Variants in MEF2C observed in about 807,000 individuals in gnomAD.
MEF2C encodes the protein myocyte enhancer factor 2C.
MEF2C carries 6 observed loss-of-function variants against 50.5 expected under a neutral mutation model. The observed-to-expected ratio is 0.12, with a 90% CI of 0.07 to 0.23. MEF2C has a LOEUF of 0.23. Ranked by LOEUF, MEF2C falls within the 10% of genes least tolerant of loss-of-function variation. The pLI, the probability that MEF2C is intolerant of heterozygous loss-of-function variation, is 1.00. For missense variants in MEF2C, 276 were observed against 605.0 expected (o/e 0.46, Z 5.70); for synonymous variants, 183 against 228.0 (o/e 0.80, Z 1.78).
upstream of MEF2C, among the ~76,000 whole-genome samples, chr5:88,886,366 T>C (rs964876112): frequency 3.9e-5 from 6 of 152,236 alleles, no homozygotes; most frequent in Non-Finnish European, 7.3e-5. Flanking sequence ...CATCTAATGA[T>C]ACTTGGTTAG....
At position 88,721,715 on chromosome 5, in the gene MEF2C, T is replaced by C. The variant is rs987518091; in HGVS notation, c.*889A>G. 2.0e-4 allele frequency: 30 copies of C among 152,594 alleles called. No individual in the cohort carries two copies. Among genetic ancestry groups the C allele is most frequent in the African/African-American group, 7.0e-4 (29 of 41,452 alleles). 9.5% of individuals were successfully genotyped at this position (152,594 alleles called of 1,614,324 possible). On this transcript the variant is annotated 3_prime_UTR_variant, in exon 11 of 11. Transcript: ENST00000504921. ...CTTCTACAAAGAGAAAACAGTTATC[T>C]TGGTTAGCAAAGCATGGAGTTCTTC...
At chr5:88,806,354 C>T (rs1321100925) in intron 2 of MEF2C, among the ~76,000 whole-genome samples, 3 of 152,148 alleles carry the variant, frequency 2.0e-5, no homozygotes, top group African/African-American at 7.2e-5. Context: ...AATGCATGTC[C>T]TCCAGTTCCA....
chr5:88,746,804 C>T (rs959643316), intron 6 of MEF2C: 16 of 461,732 alleles, frequency 3.5e-5, no homozygotes, highest in African/African-American at 4.3e-5. Flanking sequence ...GACTAAGTGG[C>T]ATCTGCAACA....
At chr5:88,815,889 C>T (rs981278939) in intron 2 of MEF2C, among the ~76,000 whole-genome samples, 2 of 151,838 alleles carry the variant, frequency 1.3e-5, no homozygotes, top group Admixed American at 6.6e-5. Context: ...CTCAGTAATA[C>T]AATGTCACAC....
At position 88,804,589 on chromosome 5, in the gene MEF2C, C is replaced by T. The variant is rs1799610701; in HGVS notation, c.258+9G>A. On this transcript the variant is annotated intron_variant, in intron 3 of 10. Transcript: ENST00000504921. ...GGAGGCTTGGGGCTCACCACGCATGCTCTCTCACCTCCACGATGTCTGAGT... is the reference window on the plus strand; with the variant it reads ...GGAGGCTTGGGGCTCACCACGCATGTTCTCTCACCTCCACGATGTCTGAGT... 1.9e-6 allele frequency: 3 copies of T among 1,613,192 alleles called. No individual in the cohort carries two copies. The highest frequency in any genetic ancestry group is 2.7e-5 in the African/African-American group (2 of 74,896).
chr5:88,738,972 A>C (rs1765271222), intron 6 of MEF2C: 1 of 980,444 alleles, frequency 1.0e-6, no homozygotes, highest in Non-Finnish European at 1.2e-6. Flanking sequence ...TGAGTGGATG[A>C]TTAAATATGC....
chr5:88,808,435 T>C (rs149687372), intron 2 of MEF2C, among the ~76,000 whole-genome samples: 2 of 152,280 alleles, frequency 1.3e-5, no homozygotes, highest in African/African-American at 4.8e-5. Context: ...TACAGAAATA[T>C]CATTAATGTC....
intron 1 of MEF2C, among the ~76,000 whole-genome samples, chr5:88,866,259 A>G (rs1827342451): frequency 6.6e-6 from 1 of 152,234 alleles, no homozygotes; most frequent in Non-Finnish European, 1.5e-5. Flanking sequence ...GCATGCTTGC[A>G]TGGTAATCCA....
At chr5:88,827,746 C>A (rs1030110953) in intron 1 of MEF2C, among the ~76,000 whole-genome samples, 1 of 151,556 alleles carries the variant, frequency 6.6e-6, no homozygotes, top group Non-Finnish European at 1.5e-5. Flanking sequence ...ACAGTTAATG[C>A]AGTCATATAA....
chr5:88,898,752 G>A (rs985831649), intron 1 of MEF2C, among the ~76,000 whole-genome samples: 2 of 152,038 alleles, frequency 1.3e-5, no homozygotes, highest in African/African-American at 4.8e-5. Context: ...CATAAAAATA[G>A]CAATAATAAA....
At chr5:88,813,794 T>C (rs1423885761) in intron 2 of MEF2C, among the ~76,000 whole-genome samples, 3 of 152,152 alleles carry the variant, frequency 2.0e-5, no homozygotes, top group Non-Finnish European at 4.4e-5. Context: ...AACTCATAAA[T>C]AGTAGTTTCT....
chr5:88,824,947 A>G (rs1455152467), intron 1 of MEF2C: 1 of 151,982 alleles, frequency 6.6e-6, no homozygotes, highest in Non-Finnish European at 1.5e-5. Context: ...CTGAAATGTG[A>G]AAGTTAACAA....
At chr5:88,776,540 A>G (rs964522587) in intron 3 of MEF2C, among the ~76,000 whole-genome samples, 1 of 152,154 alleles carries the variant, frequency 6.6e-6, no homozygotes, top group Non-Finnish European at 1.5e-5. Flanking sequence ...TCCGGCCTCC[A>G]GTAACCGTCA....
In MEF2C at chr5:88,794,851, T is replaced by C. The variant is rs1440189474; in HGVS notation, c.258+9747A>G. Among the ~76,000 whole-genome samples, 3 of 152,208 alleles carry C rather than the reference T, an allele frequency of 2.0e-5. 1 individual carries two copies. Among genetic ancestry groups the C allele is most frequent in the South Asian group, 4.1e-4 (2 of 4,828 alleles). On this transcript the variant is annotated intron_variant, in intron 3 of 10. Coordinates refer to ENST00000504921, the MANE Select transcript of MEF2C (RefSeq NM_002397.5). ...GTAAGGAAGGGGTCCAGTTTCAGCT[T>C]TTTACATATGGCTAGCCAGTTTTCC...
chr5:88,869,288 T>TAC (rs1828638089), intron 1 of MEF2C, among the ~76,000 whole-genome samples: 8 of 71,308 alleles, frequency 1.1e-4, no homozygotes, highest in African/African-American at 5.0e-4. Flanking sequence ...CATATATATA[T>TAC]ATATATACAC....
intron 3 of MEF2C, among the ~76,000 whole-genome samples, chr5:88,767,495 A>C (rs998055064): frequency 6.6e-6 from 1 of 152,222 alleles, no homozygotes; most frequent in East Asian, 1.9e-4. Flanking sequence ...TACAGAGTAC[A>C]AAAAGTTAGA....
At chr5:88,796,485 T>C (rs190690109) in intron 3 of MEF2C, among the ~76,000 whole-genome samples, 1 of 152,172 alleles carries the variant, frequency 6.6e-6, no homozygotes, top group Admixed American at 6.5e-5. Context: ...AGTGGTAATA[T>C]CTTCTTTATC....
chr5:88,838,010 G>T (rs1234568296), intron 1 of MEF2C, among the ~76,000 whole-genome samples: 1 of 152,114 alleles, frequency 6.6e-6, no homozygotes, highest in Non-Finnish European at 1.5e-5. Flanking sequence ...CTTACCCAAG[G>T]TCACACAGCT....
intron 10 of MEF2C, among the ~76,000 whole-genome samples, chr5:88,725,223 A>G (rs555289892): frequency 1.3e-5 from 2 of 152,220 alleles, no homozygotes; most frequent in South Asian, 2.1e-4. Context: ...CCTTCCTACA[A>G]ACAGACTAGC....
Sources: gnomAD v4.1 joint callset for allele counts (sites outside exome capture counted in the v4.1 genomes callset) on GRCh38, gnomAD v4.1.1 for gene constraint, MANE v1.5 for transcripts, NCBI Gene and HGNC (gene_info 2026-07-23, HGNC 2026-07-21) for gene names.